The following UMODL1 variants were observed in gnomAD, a reference collection of about 807,000 sequenced individuals.
The protein encoded by UMODL1 is uromodulin like 1, also known as uromodulin-like 1.
A neutral mutation model predicts 136.3 loss-of-function variants in UMODL1; 128 were observed. The ratio of observed to expected loss-of-function variants is 0.94; its 90% confidence interval spans 0.81 to 1.09. The LOEUF (loss-of-function observed/expected upper bound fraction) is 1.09. Ranked by LOEUF, UMODL1 falls within the 50% of genes least tolerant of loss-of-function variation. The pLI, the probability that UMODL1 is intolerant of heterozygous loss-of-function variation, is 0.00. For missense variants in UMODL1, 1,766 were observed against 1,725.6 expected (o/e 1.02, Z -0.41); for synonymous variants, 721 against 720.0 (o/e 1.00, Z -0.02).
rs371255585 is a variant in UMODL1 at position 42,085,333 on chromosome 21, T to C, written c.524T>C (p.Ile175Thr). ...GTGGGCTCCTGGTACAACGTCACCA[T>C]ACTGGTGAAAATGGACTTCAAGGAA... ...DPVGSWYNVT[I>T]LVKMDFKELQ... Residue 175 changes from isoleucine to threonine, a missense_variant, in exon 4 of 23, where the codon ATA becomes ACA. Physicochemically the swap from Ile to Thr is moderately conservative, Grantham distance 89. Transcript: ENST00000408910. This position sits in a 1 kb window ranked among gnomAD's most constrained non-coding sequence, Gnocchi z 4.5. 13 of 1,613,890 alleles carry C rather than the reference T, an allele frequency of 8.1e-6. No individual in the cohort carries two copies. Among genetic ancestry groups the C allele is most frequent in the Non-Finnish European group, 1.0e-5 (12 of 1,179,930 alleles).
chr21:42,096,342 G>A (rs945834797), intron 6 of UMODL1, among the ~76,000 whole-genome samples: 14 of 152,218 alleles, frequency 9.2e-5, no homozygotes, highest in African/African-American at 2.6e-4. Context: ...CAGATGCCTC[G>A]GAGGGCTTCA....
At chr21:42,073,316 T>C (rs2066253074) in intron 1 of UMODL1, among the ~76,000 whole-genome samples, 1 of 152,212 alleles carries the variant, frequency 6.6e-6, no homozygotes, top group Admixed American at 6.5e-5. Flanking sequence ...TTCATGCAAG[T>C]CACCTCTAGG....
intron 6 of UMODL1, among the ~76,000 whole-genome samples, chr21:42,098,516 C>G (rs113727620): frequency 0.014 from 2,115 of 151,826 alleles, 44 homozygotes; most frequent in African/African-American, 0.049. Context: ...CACCTGTAAT[C>G]CCAGCACTTT....
intron 4 of UMODL1, 75 bp from the exon 5 acceptor site, chr21:42,088,219 C>A: frequency 6.6e-7 from 1 of 1,515,542 alleles, no homozygotes; most frequent in Non-Finnish European, 9.0e-7. Flanking sequence ...CATTTCAGCT[C>A]TGCGGGCCTC....
intron 10 of UMODL1, among the ~76,000 whole-genome samples, 197 bp downstream of exon 10, chr21:42,109,896 CAATG>C (rs1383353700): frequency 6.6e-6 from 1 of 152,222 alleles, no homozygotes; most frequent in Non-Finnish European, 1.5e-5. Flanking sequence ...ATACATAAAA[CAATG>C]AATCTAGCTT....
At position 42,072,835 on chromosome 21, in the gene UMODL1, AC is replaced by A. The variant is rs547059387; in HGVS notation, c.76+1448del. Among the ~76,000 whole-genome samples the A allele has an allele frequency of 4.1e-3, 616 of 151,994 alleles. 3 individuals are homozygous for A. Among genetic ancestry groups the A allele is most frequent in the Admixed American group, 0.014 (213 of 15,272 alleles). ...CCCATCTCTGAGACCGGAATCCAAG[AC>A]CCCCGGCTCCTGCTCTGATGGCCCT... On this transcript the variant is annotated intron_variant, in intron 1 of 22. Transcript: ENST00000408910.
intron 2 of UMODL1, among the ~76,000 whole-genome samples, chr21:42,082,798 C>A (rs576310294): frequency 1.3e-5 from 2 of 152,222 alleles, no homozygotes; most frequent in Non-Finnish European, 2.9e-5. Context: ...CCCTGGGGTT[C>A]GGTTTCTTCT....
intron 18 of UMODL1, 117 bp downstream of exon 18, chr21:42,126,607 A>C: frequency 6.2e-6 from 9 of 1,459,188 alleles, no homozygotes; most frequent in African/African-American, 1.4e-5. Context: ...GAATATACAA[A>C]TGGGTGTGGC....
chr21:42,095,089 G>GTTTTTGTTTTTTTTTTTTTT (rs2066539396), intron 6 of UMODL1, among the ~76,000 whole-genome samples: 2 of 61,186 alleles, frequency 3.3e-5, no homozygotes, highest in South Asian at 1.4e-3. Flanking sequence ...TTCTTCTGCT[G>GTTTTTGTTTTTTTTTTTTTT]TTTTTTTTTT....
intron 1 of UMODL1, among the ~76,000 whole-genome samples, chr21:42,071,762 G>C (rs1208372512): frequency 2.0e-5 from 3 of 151,814 alleles, no homozygotes; most frequent in African/African-American, 7.3e-5. Flanking sequence ...ACTGAGAACA[G>C]TGAGCTCCTA....
At chr21:42,129,888 A>G in intron 21 of UMODL1, 91 bp downstream of exon 21, 1 of 1,001,280 alleles carries the variant, frequency 1.0e-6, no homozygotes, top group Non-Finnish European at 1.5e-6. Context: ...CTGTTGTGAA[A>G]TGCAGAACTC....
chr21:42,131,579 CAGGAGGAGGGAGGTCT>C (rs2067134958), intron 21 of UMODL1, among the ~76,000 whole-genome samples: 1 of 73,354 alleles, frequency 1.4e-5, no homozygotes, highest in Admixed American at 1.5e-4. Context: ...AGCTGGGGAG[CAGGAGGAGGGAGGTCT>C]CGGCCATGAA....
chr21:42,121,065 T>C lies in UMODL1; in HGVS notation c.2690-22T>C, dbSNP rs985476505. 4 of 1,603,464 alleles carry C rather than the reference T, an allele frequency of 2.5e-6. No individual in the cohort carries two copies. The African/African-American group carries it at 5.4e-5, about 22-fold the overall frequency. Reference sequence around the variant, plus strand: ...AAGCCCCCAGGGATGTTCTTCTGTTTTGTCTTCTAAATGTTGTGCAGATTA... The same window carrying C: ...AAGCCCCCAGGGATGTTCTTCTGTTCTGTCTTCTAAATGTTGTGCAGATTA... On this transcript the variant is annotated intron_variant, in intron 15 of 22. Coordinates refer to ENST00000408910, the MANE Select transcript of UMODL1 (RefSeq NM_001004416.3).
chr21:42,087,873 C>G (rs1381308022), intron 4 of UMODL1, among the ~76,000 whole-genome samples: 1 of 152,230 alleles, frequency 6.6e-6, no homozygotes, highest in Admixed American at 6.5e-5. Flanking sequence ...AGACGGCTGT[C>G]TTCTCTGTCT....
At chr21:42,111,419 G>A in intron 11 of UMODL1, 87 bp from the exon 12 acceptor site, 1 of 1,613,592 alleles carries the variant, frequency 6.2e-7, no homozygotes, top group African/African-American at 1.3e-5. Flanking sequence ...CGGGGTGATA[G>A]GCACCACCTC....
chr21:42,109,664 A>G lies in UMODL1; in HGVS notation c.1622A>G (p.Asp541Gly), dbSNP rs757554244. The G allele has an allele frequency of 6.2e-7, 1 of 1,607,380 alleles. No individual in the cohort carries two copies. Among genetic ancestry groups the G allele is most frequent in the East Asian group, 2.2e-5 (1 of 44,858 alleles). Reference protein sequence around the residue: ...SYTCQCRTTRDATPSRAGRAC... With the variant: ...SYTCQCRTTRGATPSRAGRAC... ...ACCTGCCAGTGCCGTACCACCAGGGACGCCACCCCCTCCCGCGCAGGCCGG... is the reference window on the plus strand; with the variant it reads ...ACCTGCCAGTGCCGTACCACCAGGGGCGCCACCCCCTCCCGCGCAGGCCGG... The change falls in exon 10 of 23, where the codon GAC (aspartate) becomes GGC (glycine). Residue 541 changes from aspartate to glycine, a missense_variant. By Grantham distance (94) the Asp-to-Gly change is moderately conservative (BLOSUM62 -1). Transcript: ENST00000408910.
chr21:42,075,112 G>C (rs376301937), intron 1 of UMODL1, among the ~76,000 whole-genome samples: 3 of 151,964 alleles, frequency 2.0e-5, no homozygotes, highest in East Asian at 3.9e-4. Flanking sequence ...GTTAGCCAGG[G>C]TGGTCTCGAT....
chr21:42,111,019 G>T lies in UMODL1; in HGVS notation c.1797G>T (p.Pro599=), dbSNP rs200361969. The T allele has an allele frequency of 6.2e-7, 1 of 1,612,988 alleles. No homozygotes were observed. The highest frequency in any genetic ancestry group is 8.5e-7 in the Non-Finnish European group (1 of 1,179,674). ...SPSPGYPQGT[P]AAGQAWTPEP... ...GTCCTGGGTACCCTCAGGGCACCCC[G>T]GCAGCAGGCCAGGCCTGGACCCCAG... Residue 599 remains proline (P), a synonymous_variant, in exon 11 of 23, where the codon CCG becomes CCT. Coordinates refer to ENST00000408910, the MANE Select transcript of UMODL1 (RefSeq NM_001004416.3).
intron 9 of UMODL1, among the ~76,000 whole-genome samples, chr21:42,108,920 C>G (rs562337033): frequency 6.3e-4 from 41 of 64,704 alleles, no homozygotes; most frequent in South Asian, 2.6e-3. Context: ...CCCCACCCCC[C>G]CCACGAGAGA....
Sources: gnomAD v4.1 joint callset for allele counts (sites outside exome capture counted in the v4.1 genomes callset) on GRCh38, gnomAD v4.1.1 for gene constraint, Gnocchi (gnomAD v3.1) non-coding constraint, MANE v1.5 for transcripts, NCBI Gene and HGNC (gene_info 2026-07-23, HGNC 2026-07-21) for gene names.